Variants in MARCHF1 observed in about 807,000 individuals in gnomAD.
The protein encoded by MARCHF1 is E3 ubiquitin-protein ligase MARCHF1.
In MARCHF1, 40 loss-of-function variants were observed where a neutral mutation model predicts 54.2. The ratio of observed to expected loss-of-function variants is 0.74; its 90% CI spans 0.57 to 0.96. The LOEUF (loss-of-function observed/expected upper bound fraction) is 0.96. MARCHF1 is among the 40% of genes least tolerant of loss of function. The pLI is 0.00. For missense variants in MARCHF1, 586 were observed against 656.5 expected, an observed-to-expected ratio of 0.89 and a Z score of 1.17; for synonymous variants, 236 against 236.3, an observed-to-expected ratio of 1.00 and a Z score of 0.01.
intron 2 of MARCHF1, among the ~76,000 whole-genome samples, chr4:163,998,388 T>C (rs895119315): frequency 6.6e-6 from 1 of 151,580 alleles, no homozygotes; most frequent in African/African-American, 2.4e-5. Flanking sequence ...ATAGCATTAA[T>C]ACTCATGTTA....
At position 163,589,763 on chromosome 4, in the gene MARCHF1, C is replaced by T. The variant is rs192990825; in HGVS notation, c.1011-3834G>A. Among the ~76,000 whole-genome samples the T allele has an allele frequency of 2.9e-4, 44 of 152,018 alleles. No individual in the cohort carries two copies. The East Asian group carries it at 6.6e-3, about 23-fold the overall frequency. On this transcript the variant is annotated intron_variant, in intron 7 of 9. Coordinates refer to ENST00000514618, the MANE Select transcript of MARCHF1 (RefSeq NM_001394959.1). ...TAATAAAATTGCATGGCAAAATATTCGTAATTTTGGTACATTTTTACCTGA... is the reference window on the plus strand; with the variant it reads ...TAATAAAATTGCATGGCAAAATATTTGTAATTTTGGTACATTTTTACCTGA...
chr4:164,197,449 T>C (rs1308019025), intron 1 of MARCHF1: 1 of 1,613,536 alleles, frequency 6.2e-7, no homozygotes, highest in African/African-American at 1.3e-5. Context: ...TAAATATAGA[T>C]GCGTGAGGTT....
At chr4:163,849,635 G>A in intron 4 of MARCHF1, among the ~76,000 whole-genome samples, 1 of 152,022 alleles carries the variant, frequency 6.6e-6, no homozygotes, top group East Asian at 1.9e-4. Context: ...AGGTATCAGG[G>A]TAGAAGTGAT....
intron 3 of MARCHF1, among the ~76,000 whole-genome samples, chr4:163,963,422 T>C (rs1401233475): frequency 6.6e-6 from 1 of 151,934 alleles, no homozygotes; most frequent in Non-Finnish European, 1.5e-5. Flanking sequence ...TTAAGATACA[T>C]TTTACTATTC....
intron 4 of MARCHF1, among the ~76,000 whole-genome samples, chr4:163,756,775 G>A (rs1395288735): frequency 1.3e-5 from 2 of 151,834 alleles, no homozygotes; most frequent in East Asian, 1.9e-4. Flanking sequence ...ATATTCAGGT[G>A]TCTAGTATAA....
At chr4:164,019,884 T>C (rs1753624415) in intron 2 of MARCHF1, among the ~76,000 whole-genome samples, 1 of 152,158 alleles carries the variant, frequency 6.6e-6, no homozygotes, top group Non-Finnish European at 1.5e-5. Flanking sequence ...GTTAGTGAAA[T>C]GTCCAACTTG....
chr4:163,948,032 T>G (rs1752057595), intron 3 of MARCHF1, among the ~76,000 whole-genome samples: 1 of 152,204 alleles, frequency 6.6e-6, no homozygotes, highest in Non-Finnish European at 1.5e-5. Flanking sequence ...CACTACTTCC[T>G]CTTGATTACA....
intron 2 of MARCHF1, among the ~76,000 whole-genome samples, chr4:164,050,199 C>T (rs539314197): frequency 6.2e-4 from 91 of 146,204 alleles, no homozygotes; most frequent in African/African-American, 2.2e-3. Context: ...CGCTTGAACC[C>T]AGGAGGTGGA....
rs367776435 is a variant in MARCHF1, at chr4:163,860,252, C to CA, written c.-38-6084dup. On this transcript the variant is annotated intron_variant, in intron 3 of 9. Coordinates refer to ENST00000514618, the MANE Select transcript of MARCHF1 (RefSeq NM_001394959.1). The stretch of plus-strand genomic sequence containing the variant: ...TATCTTCGATATATTATTGGAGACA[C>CA]AGTAGGGATTAGATTGAAAGTGAGG... Among the ~76,000 whole-genome samples, 433 of 152,156 alleles carry CA rather than the reference C, an allele frequency of 2.8e-3. 7 individuals are homozygous for CA. The highest frequency in any genetic ancestry group is 9.7e-3 in the African/African-American group (404 of 41,502).
At chr4:163,643,495 C>T (rs1264772506) in intron 5 of MARCHF1, among the ~76,000 whole-genome samples, 1 of 152,074 alleles carries the variant, frequency 6.6e-6, no homozygotes, top group Admixed American at 6.6e-5. Flanking sequence ...AGGTTATAGA[C>T]ATAAGCCACT....
chr4:164,054,633 A>G (rs1471645523), intron 2 of MARCHF1, among the ~76,000 whole-genome samples: 1 of 151,986 alleles, frequency 6.6e-6, no homozygotes, highest in African/African-American at 2.4e-5. Context: ...TTGTAGGGAC[A>G]TGGATGAAAT....
At chr4:163,811,202 A>G (rs768517215) in intron 4 of MARCHF1, among the ~76,000 whole-genome samples, 8 of 152,046 alleles carry the variant, frequency 5.3e-5, no homozygotes, top group Admixed American at 2.6e-4. Flanking sequence ...TTCTTATTTT[A>G]TAAACTCTAA....
At chr4:164,227,703 C>T (rs1732298439) in intron 1 of MARCHF1, among the ~76,000 whole-genome samples, 1 of 151,950 alleles carries the variant, frequency 6.6e-6, no homozygotes, top group African/African-American at 2.4e-5. Context: ...CTTCTTGTAC[C>T]TACTCAATGT....
chr4:163,560,357 G>T (rs1227750864), intron 8 of MARCHF1, among the ~76,000 whole-genome samples: 1 of 152,092 alleles, frequency 6.6e-6, no homozygotes, highest in Admixed American at 6.5e-5. Context: ...TCTATTGCTG[G>T]ATTGTCTATT....
intron 9 of MARCHF1, among the ~76,000 whole-genome samples, chr4:163,533,839 T>C (rs963906150): frequency 6.6e-6 from 1 of 151,808 alleles, no homozygotes; most frequent in South Asian, 2.1e-4. Context: ...GCATGATATA[T>C]TTATGGAAAC....
rs116790686 is a variant in MARCHF1, at chr4:164,369,319, G to A, written c.-323+14551C>T. ...GTTCTCACTACCGTGCTATGGACTG[G>A]AAAATAGGCATAAAGATTTGAAAAG... On this transcript the variant is annotated intron_variant, in intron 1 of 9. Coordinates refer to ENST00000514618, the MANE Select transcript of MARCHF1 (RefSeq NM_001394959.1). Among the ~76,000 whole-genome samples, 700 of 152,222 alleles carry A rather than the reference G, an allele frequency of 4.6e-3. 6 individuals are homozygous for A. The highest frequency in any genetic ancestry group is 0.016 in the African/African-American group (654 of 41,528).
At chr4:163,555,089 T>C (rs1404829909) in intron 8 of MARCHF1, among the ~76,000 whole-genome samples, 1 of 152,132 alleles carries the variant, frequency 6.6e-6, no homozygotes, top group Non-Finnish European at 1.5e-5. Flanking sequence ...AATGATGATA[T>C]GAATGGAAAA....
chr4:163,760,892 T>G (rs1746808885), intron 4 of MARCHF1, among the ~76,000 whole-genome samples: 1 of 152,214 alleles, frequency 6.6e-6, no homozygotes, highest in Non-Finnish European at 1.5e-5. Flanking sequence ...TAAACATATT[T>G]CTGCCTAACT....
intron 1 of MARCHF1, among the ~76,000 whole-genome samples, chr4:164,252,511 C>T (rs1733157881): frequency 6.6e-6 from 1 of 152,120 alleles, no homozygotes; most frequent in Non-Finnish European, 1.5e-5. Context: ...GTGCGTCATG[C>T]TCAGCACCCT....
Sources: gnomAD v4.1 joint callset for allele counts (sites outside exome capture counted in the v4.1 genomes callset) on GRCh38, gnomAD v4.1.1 for gene constraint, MANE v1.5 for transcripts, NCBI Gene and HGNC (gene_info 2026-07-23, HGNC 2026-07-21) for gene names.